KPNA7: variants seen among roughly 807,000 people sequenced by gnomAD.
The protein encoded by KPNA7 is importin subunit alpha-8.
A neutral mutation model predicts 53.7 loss-of-function variants in KPNA7; 54 were observed. That is an observed-to-expected ratio of 1.01 (90% confidence interval 0.81 to 1.26). The LOEUF (loss-of-function observed/expected upper bound fraction) is 1.26. Among genes scored for constraint, KPNA7 ranks in the 50% most tolerant of loss-of-function variants. The pLI is 0.00. For missense variants in KPNA7, 640 were observed against 644.5 expected (o/e 0.99, Z 0.07); for synonymous variants, 276 against 259.3 (o/e 1.06, Z -0.62).
chr7:99,185,229 A>G, intron 7 of KPNA7, 67 bp from the exon 8 acceptor site: 1 of 1,122,094 alleles, frequency 8.9e-7, no homozygotes, highest in South Asian at 1.3e-5. Context: ...CAATCACACC[A>G]AGTTCTGTTC....
intron 3 of KPNA7, 98 bp downstream of exon 3, chr7:99,203,008 A>G: frequency 7.1e-7 from 1 of 1,418,354 alleles, no homozygotes; most frequent in Non-Finnish European, 9.6e-7. Flanking sequence ...GCCCAAAACG[A>G]GAGTTTGCAA....
intron 10 of KPNA7, among the ~76,000 whole-genome samples, chr7:99,175,521 ATTAT>A (rs200706969): frequency 9.1e-5 from 7 of 77,062 alleles, no homozygotes; most frequent in African/African-American, 2.2e-4. Context: ...TTATTTATTT[ATTAT>A]TTATTTTGGA....
Position 99,185,100 on chromosome 7 carries a change from G to C in KPNA7, c.963C>G (p.Ala321=). The C allele has an allele frequency of 6.4e-7, 1 of 1,551,940 alleles. No homozygotes were observed. The highest frequency in any genetic ancestry group is 8.7e-7 in the Non-Finnish European group (1 of 1,147,062). The change falls in exon 8 of 11, where the codon GCC becomes GCG. Residue 321 remains alanine, a synonymous_variant. Coordinates refer to ENST00000327442, the MANE Select transcript of KPNA7 (RefSeq NM_001145715.3). ...GCACGTTCAGCATACCCGCATCAAT[G>C]GCCATCTGCGTCTGCTCATCTGTGC... ...VTGTDEQTQM[A]IDAGMLNVLP...
chr7:99,215,096 C>T (rs921366147), intron 1 of KPNA7, among the ~76,000 whole-genome samples: 5 of 151,684 alleles, frequency 3.3e-5, no homozygotes, highest in Non-Finnish European at 5.9e-5. Context: ...ATTAGAAACT[C>T]GGCGCGGTGG....
At chr7:99,154,704 T>C in the KPNA7 span, among the ~76,000 whole-genome samples, 3 of 152,000 alleles carry the variant, frequency 2.0e-5, no homozygotes, top group Admixed American at 6.6e-5. Context: ...TTTTTTCGTA[T>C]TTTTAGTAGA....
At chr7:99,147,656 T>A in the KPNA7 span, among the ~76,000 whole-genome samples, 1 of 152,130 alleles carries the variant, frequency 6.6e-6, no homozygotes, top group African/African-American at 2.4e-5. Flanking sequence ...CTGGGTGTAG[T>A]GGCAGGCGCC....
chr7:99,193,083 CTG>C lies in KPNA7; in HGVS notation c.570_571del (p.Phe190LeufsTer3), dbSNP rs1185896152. The C allele has an allele frequency of 6.7e-7, 1 of 1,502,410 alleles. No individual in the cohort carries two copies. Among genetic ancestry groups the C allele is most frequent in the East Asian group, 2.5e-5 (1 of 39,328 alleles). 93.1% of individuals were successfully genotyped at this position (1,502,410 alleles called of 1,614,324 possible). A position where few individuals can be genotyped will look rare whatever the true frequency, so the allele number is the denominator to read the frequency against. ...GGCATTGCTTGTGATGACGTTATCT[CTG>C]AACTCTGGGCCATCACCTACAAATA... is the stretch of plus-strand genomic sequence containing the variant. On this transcript the variant is annotated frameshift_variant, in exon 6 of 11. Transcript: ENST00000327442. LOFTEE classifies it high-confidence loss of function.
chr7:99,163,092 G>GATCA, the KPNA7 span, among the ~76,000 whole-genome samples: 1 of 151,504 alleles, frequency 6.6e-6, no homozygotes, highest in Non-Finnish European at 1.5e-5. Context: ...GAGGCAGGAG[G>GATCA]ATCACTTGAA....
intron 3 of KPNA7, among the ~76,000 whole-genome samples, chr7:99,202,152 T>C (rs1790570454): frequency 6.6e-6 from 1 of 152,066 alleles, no homozygotes; most frequent in Non-Finnish European, 1.5e-5. Flanking sequence ...TGGGAACACA[T>C]CATTGGACCC....
At chr7:99,197,846 C>T (rs1317532881) in intron 3 of KPNA7, among the ~76,000 whole-genome samples, 1 of 152,022 alleles carries the variant, frequency 6.6e-6, no homozygotes, top group South Asian at 2.1e-4. Context: ...ATCTGTGGGA[C>T]ATCATCAAGG....
chr7:99,165,968 G>A, the KPNA7 span, among the ~76,000 whole-genome samples: 2 of 151,204 alleles, frequency 1.3e-5, no homozygotes, highest in Admixed American at 6.6e-5. Flanking sequence ...TTGTCATAGT[G>A]GGTTCTCATG....
chr7:99,188,827 G>A (rs538971686), intron 6 of KPNA7, among the ~76,000 whole-genome samples: 29 of 152,086 alleles, frequency 1.9e-4, no homozygotes, highest in African/African-American at 4.6e-4. Context: ...ACAGGTGCCC[G>A]CCACCACACA....
At chr7:99,163,179 C>CA in the KPNA7 span, among the ~76,000 whole-genome samples, 55 of 148,402 alleles carry the variant, frequency 3.7e-4, no homozygotes, top group African/African-American at 1.3e-3. Flanking sequence ...AAAACTCTGC[C>CA]TCAGAAAAAA....
chr7:99,190,670 G>GTTT lies in KPNA7; in HGVS notation c.637-2108_637-2107insAAA, dbSNP rs768586879. On this transcript the variant is annotated intron_variant, in intron 6 of 10. Transcript: ENST00000327442. ...CAGTAAAACTTTTTTTTTTTTTTTG[G>GTTT]GGGGAGACAGGGTCTCACTCCATCA... Among the ~76,000 whole-genome samples the GTTT allele has an allele frequency of 1.7e-3, 249 of 145,482 alleles. 1 individual carries two copies. Among genetic ancestry groups the GTTT allele is most frequent in the Middle Eastern group, 3.5e-3 (1 of 286 alleles).
chr7:99,177,903 GCTC>G lies in KPNA7; in HGVS notation c.1464+14_1464+16del, dbSNP rs1563065084. On this transcript the variant is annotated intron_variant, in intron 10 of 10. Transcript: ENST00000327442. ...CCAAGACCCCTGGATACTCCTCCAC[GCTC>G]CTAAGTCACTTACCTCACCAAAGTG... is the stretch of plus-strand genomic sequence containing the variant. The G allele has an allele frequency of 7.7e-6, 12 of 1,550,884 alleles. No homozygotes were observed. The highest frequency in any genetic ancestry group is 1.4e-5 in the African/African-American group (1 of 73,004).
intron 9 of KPNA7, 53 bp downstream of exon 9, chr7:99,181,830 T>C (rs1799283717): frequency 7.2e-7 from 1 of 1,397,512 alleles, no homozygotes. Flanking sequence ...ATTAAATGCT[T>C]GTATCCAGTT....
At chr7:99,212,938 T>C (rs2150787844), upstream of KPNA7, among the ~76,000 whole-genome samples, 1 of 151,898 alleles carries the variant, frequency 6.6e-6, no homozygotes, top group East Asian at 1.9e-4. Flanking sequence ...GATCACAGTA[T>C]CCTTTTAACA....
At chr7:99,149,577 T>G in the KPNA7 span, among the ~76,000 whole-genome samples, 1 of 152,236 alleles carries the variant, frequency 6.6e-6, no homozygotes, top group Non-Finnish European at 1.5e-5. Context: ...AAGCTCCTAG[T>G]GAAGCTTCTT....
At chr7:99,175,835 T>C (rs1379568672) in intron 10 of KPNA7, among the ~76,000 whole-genome samples, 1 of 151,800 alleles carries the variant, frequency 6.6e-6, no homozygotes, top group East Asian at 1.9e-4. Context: ...TGGTCCCAAA[T>C]CAAGACTAAC....
Sources: allele counts gnomAD v4.1 joint callset (sites outside exome capture counted in the v4.1 genomes callset), GRCh38; gene constraint gnomAD v4.1.1; transcripts MANE v1.5; gene names NCBI Gene and HGNC (gene_info 2026-07-23, HGNC 2026-07-21).